TBC1D22A: variants seen among roughly 807,000 people sequenced by gnomAD.
TBC1D22A encodes putative GTPase activator.
TBC1D22A carries 38 observed loss-of-function variants against 60.2 expected under a neutral mutation model. The observed-to-expected ratio is 0.63, with a 90% CI of 0.49 to 0.83. TBC1D22A has a LOEUF of 0.83. TBC1D22A is among the 40% of genes least tolerant of loss of function. The pLI is 0.00. For synonymous variants in TBC1D22A, 302 were observed against 281.7 expected (o/e 1.07, Z -0.72); for missense variants, 628 against 701.0 (o/e 0.90, Z 1.18).
intron 4 of TBC1D22A, among the ~76,000 whole-genome samples, chr22:46,818,630 G>C (rs1389820493): frequency 6.6e-6 from 1 of 152,186 alleles, no homozygotes; most frequent in Non-Finnish European, 1.5e-5. Flanking sequence ...TTTGGTACCA[G>C]TACCATGCAG....
At chr22:47,018,992 T>C (rs886169248) in intron 10 of TBC1D22A, among the ~76,000 whole-genome samples, 2 of 142,044 alleles carry the variant, frequency 1.4e-5, no homozygotes, top group Non-Finnish European at 3.2e-5. Flanking sequence ...CCCGTGCTCC[T>C]TGGAGTCAGT....
intron 8 of TBC1D22A, among the ~76,000 whole-genome samples, chr22:46,912,888 G>A (rs1037354646): frequency 6.6e-6 from 1 of 152,156 alleles, no homozygotes; most frequent in African/African-American, 2.4e-5. Flanking sequence ...AGATTAAGGT[G>A]ATAGAGTGTC....
intron 8 of TBC1D22A, among the ~76,000 whole-genome samples, chr22:46,912,776 C>G (rs958296701): frequency 6.6e-6 from 1 of 152,142 alleles, no homozygotes; most frequent in African/African-American, 2.4e-5. Context: ...AGGGTGGTCT[C>G]GAACTCCTGA....
intron 12 of TBC1D22A, among the ~76,000 whole-genome samples, chr22:47,154,162 T>C (rs1273662252): frequency 6.6e-6 from 1 of 152,178 alleles, no homozygotes; most frequent in Non-Finnish European, 1.5e-5. Context: ...TTCTCCTTCC[T>C]GCTGTTGAGG....
chr22:46,981,838 G>A (rs2074523898), intron 9 of TBC1D22A, among the ~76,000 whole-genome samples: 1 of 152,200 alleles, frequency 6.6e-6, no homozygotes, highest in African/African-American at 2.4e-5. Flanking sequence ...GGAAGATCTG[G>A]GAGGACGTGT....
chr22:46,817,142 T>G (rs1301063502), intron 4 of TBC1D22A, among the ~76,000 whole-genome samples: 1 of 152,184 alleles, frequency 6.6e-6, no homozygotes, highest in Non-Finnish European at 1.5e-5. Flanking sequence ...TCCTTTTGGT[T>G]GTACTGGAAT....
At chr22:46,802,826 G>C (rs2084953946) in intron 4 of TBC1D22A, among the ~76,000 whole-genome samples, 1 of 151,584 alleles carries the variant, frequency 6.6e-6, no homozygotes, top group Admixed American at 6.6e-5. Context: ...TAGGGGGCAA[G>C]AGTGGAGGCC....
At chr22:46,787,932 CTTTTTTTT>C (rs547496103) in intron 1 of TBC1D22A, among the ~76,000 whole-genome samples, 3 of 107,152 alleles carry the variant, frequency 2.8e-5, no homozygotes, top group Admixed American at 1.9e-4. Context: ...GGGCAGGCTA[CTTTTTTTT>C]TTTTTTTTTT....
At chr22:46,794,381 G>T (rs1020350423) in intron 3 of TBC1D22A, among the ~76,000 whole-genome samples, 4 of 152,238 alleles carry the variant, frequency 2.6e-5, no homozygotes, top group African/African-American at 9.6e-5. Flanking sequence ...TTTGCACTCT[G>T]ACCCCCTCGG....
At chr22:46,961,216 T>A (rs1185788329) in intron 8 of TBC1D22A, among the ~76,000 whole-genome samples, 3 of 152,212 alleles carry the variant, frequency 2.0e-5, no homozygotes, top group African/African-American at 7.2e-5. Context: ...ATATTCATTG[T>A]ACCATAATAT....
intron 7 of TBC1D22A, among the ~76,000 whole-genome samples, chr22:46,899,959 C>T (rs997314672): frequency 6.6e-6 from 1 of 152,060 alleles, no homozygotes; most frequent in African/African-American, 2.4e-5. Context: ...TCCCTCCAAC[C>T]CCCTGCATCT....
intron 1 of TBC1D22A, among the ~76,000 whole-genome samples, chr22:46,786,954 T>G (rs1267315289): frequency 6.6e-6 from 1 of 152,166 alleles, no homozygotes; most frequent in Non-Finnish European, 1.5e-5. Context: ...CCCAAAGTGC[T>G]TGATTACAAA....
chr22:46,838,224 C>G (rs1401603974), intron 4 of TBC1D22A, among the ~76,000 whole-genome samples: 1 of 152,028 alleles, frequency 6.6e-6, no homozygotes, highest in African/African-American at 2.4e-5. Flanking sequence ...TAAAAAGAAC[C>G]TAAGAGTTGG....
intron 7 of TBC1D22A, among the ~76,000 whole-genome samples, chr22:46,906,756 G>T (rs2069499555): frequency 6.6e-6 from 1 of 152,026 alleles, no homozygotes; most frequent in African/African-American, 2.4e-5. Context: ...GTGGCTGTGT[G>T]TGTGTCCCAG....
intron 10 of TBC1D22A, among the ~76,000 whole-genome samples, chr22:46,999,854 T>C (rs1006029476): frequency 5.3e-5 from 8 of 151,904 alleles, no homozygotes; most frequent in Non-Finnish European, 8.8e-5. Flanking sequence ...TGAAACCCTG[T>C]CTCTACTAAA....
chr22:46,863,896 A>C (rs999716653), intron 4 of TBC1D22A, among the ~76,000 whole-genome samples: 1 of 152,118 alleles, frequency 6.6e-6, no homozygotes, highest in Non-Finnish European at 1.5e-5. Context: ...TCTTATGTCC[A>C]GGGACATAGA....
At chr22:47,004,486 C>T (rs1192917932) in intron 10 of TBC1D22A, among the ~76,000 whole-genome samples, 1 of 150,708 alleles carries the variant, frequency 6.6e-6, no homozygotes, top group Non-Finnish European at 1.5e-5. Context: ...ACACCCTGCA[C>T]ACATGCCTAT....
At chr22:47,172,077 GCCTA>G (rs2068502615) in intron 12 of TBC1D22A, among the ~76,000 whole-genome samples, 3 of 129,484 alleles carry the variant, frequency 2.3e-5, no homozygotes, top group Non-Finnish European at 3.4e-5. Flanking sequence ...CTCCCAGTGA[GCCTA>G]CCCAGCACTC....
At chr22:46,870,852 G>A (rs2067263128) in intron 4 of TBC1D22A, among the ~76,000 whole-genome samples, 2 of 152,072 alleles carry the variant, frequency 1.3e-5, no homozygotes, top group African/African-American at 2.4e-5. Flanking sequence ...TCATGAGGGT[G>A]GATTACTCAT....
Sources: allele counts gnomAD v4.1 joint callset (sites outside exome capture counted in the v4.1 genomes callset), GRCh38; gene constraint gnomAD v4.1.1; transcripts MANE v1.5; gene names NCBI Gene and HGNC (gene_info 2026-07-23, HGNC 2026-07-21).